IL1R1: variants seen among roughly 807,000 people sequenced by gnomAD.
IL1R1 encodes interleukin-1 receptor type 1.
Under a neutral mutation model 50.2 loss-of-function variants are expected in IL1R1, and 22 were observed. The observed-to-expected ratio is 0.44, with a 90% CI of 0.31 to 0.63. The LOEUF (loss-of-function observed/expected upper bound fraction) is 0.63, where lower values mean the gene tolerates loss of function less well. IL1R1 is among the 20% of genes least tolerant of loss of function. The pLI is 0.07. For missense variants in IL1R1, 509 were observed against 676.2 expected, an observed-to-expected ratio of 0.75 and a Z score of 2.74; for synonymous variants, 251 against 236.7, an observed-to-expected ratio of 1.06 and a Z score of -0.55.
chr2:102,074,672 A>G (rs1418496505), intron 1 of IL1R1, among the ~76,000 whole-genome samples: 1 of 152,156 alleles, frequency 6.6e-6, no homozygotes, highest in African/African-American at 2.4e-5. Context: ...GTTTAAATCC[A>G]CCACATTGTC....
chr2:102,168,417 T>C (rs1416095295), intron 6 of IL1R1, among the ~76,000 whole-genome samples, 181 bp from the exon 7 acceptor site: 1 of 152,228 alleles, frequency 6.6e-6, no homozygotes, highest in Non-Finnish European at 1.5e-5. Flanking sequence ...CACAGTGTGC[T>C]GTGGCCTCTG....
chr2:102,154,476 G>T (rs1310410428), intron 2 of IL1R1, among the ~76,000 whole-genome samples: 2 of 152,140 alleles, frequency 1.3e-5, no homozygotes, highest in African/African-American at 4.8e-5. Context: ...GCTGTCTGTG[G>T]GTACCTGAAC....
In IL1R1 at chr2:102,175,576, C is replaced by G. The variant is rs1403836230; in HGVS notation, c.1234C>G (p.Pro412Ala). 1 of 1,613,830 alleles carries G rather than the reference C, an allele frequency of 6.2e-7. No individual in the cohort carries two copies. Among genetic ancestry groups the G allele is most frequent in the Non-Finnish European group, 8.5e-7 (1 of 1,179,854 alleles). ...DCDIFVFKVL[P>A]EVLEKQCGYK... Reference sequence around the variant, plus strand: ...TGATATTTTTGTGTTTAAAGTCTTGCCTGAGGTCTTGGAAAAACAGTGTGG... The same window carrying G: ...TGATATTTTTGTGTTTAAAGTCTTGGCTGAGGTCTTGGAAAAACAGTGTGG... Residue 412 changes from proline to alanine, a missense_variant, in exon 11 of 12, where the codon CCT (proline) becomes GCT (alanine). Physicochemically the swap from Pro to Ala is conservative, Grantham distance 27 (BLOSUM62 -1). Transcript: ENST00000410023.
intron 1 of IL1R1, among the ~76,000 whole-genome samples, chr2:102,083,019 G>A (rs1679282453): frequency 6.6e-6 from 1 of 152,160 alleles, no homozygotes; most frequent in Admixed American, 6.5e-5. Flanking sequence ...TCCTGGTCAT[G>A]AGGACCAGAG....
chr2:102,128,662 A>G (rs941567787), intron 1 of IL1R1, among the ~76,000 whole-genome samples: 1 of 152,230 alleles, frequency 6.6e-6, no homozygotes, highest in African/African-American at 2.4e-5. Flanking sequence ...TGCCTATGCT[A>G]GTAACCATCA....
chr2:102,079,139 A>G (rs530864155), intron 1 of IL1R1, among the ~76,000 whole-genome samples: 1 of 152,274 alleles, frequency 6.6e-6, no homozygotes, highest in African/African-American at 2.4e-5. Flanking sequence ...ATGGGCATCC[A>G]AAAAACCCCA....
At chr2:102,149,674 T>C (rs928975126) in intron 1 of IL1R1, among the ~76,000 whole-genome samples, 1 of 152,048 alleles carries the variant, frequency 6.6e-6, no homozygotes, top group Non-Finnish European at 1.5e-5. Flanking sequence ...TCCCATGGAC[T>C]CAACTGCCTG....
At chr2:102,123,581 G>T (rs558047718) in intron 1 of IL1R1, among the ~76,000 whole-genome samples, 2 of 152,206 alleles carry the variant, frequency 1.3e-5, no homozygotes, top group South Asian at 2.1e-4. Context: ...TTCCAGACCA[G>T]CCTGGCCAAC....
intron 1 of IL1R1, among the ~76,000 whole-genome samples, chr2:102,147,582 G>T (rs1047707004): frequency 6.6e-6 from 1 of 152,258 alleles, no homozygotes. Context: ...CCTGTCTCTG[G>T]GTTCTGGTTC....
intron 1 of IL1R1, among the ~76,000 whole-genome samples, chr2:102,078,896 CA>C (rs1253970688): frequency 6.6e-6 from 1 of 152,094 alleles, no homozygotes; most frequent in African/African-American, 2.4e-5. Flanking sequence ...ATGCCATGAC[CA>C]AGTGGGATTT....
At chr2:102,117,105 A>G (rs1681120584) in intron 1 of IL1R1, among the ~76,000 whole-genome samples, 1 of 152,234 alleles carries the variant, frequency 6.6e-6, no homozygotes, top group Admixed American at 6.5e-5. Flanking sequence ...TCTCATGTTT[A>G]TCCTTTTTCT....
At chr2:102,124,930 AAT>A (rs1681615593) in intron 1 of IL1R1, among the ~76,000 whole-genome samples, 1 of 152,150 alleles carries the variant, frequency 6.6e-6, no homozygotes, top group South Asian at 2.1e-4. Context: ...AATAAAAAAA[AAT>A]AAGACCTCCT....
At chr2:102,077,291 G>A (rs1679010834) in intron 1 of IL1R1, among the ~76,000 whole-genome samples, 1 of 152,094 alleles carries the variant, frequency 6.6e-6, no homozygotes, top group African/African-American at 2.4e-5. Context: ...GGCTGGTCTT[G>A]AACTCCTGAC....
intron 1 of IL1R1, among the ~76,000 whole-genome samples, chr2:102,113,046 C>T (rs983513193): frequency 2.0e-5 from 3 of 152,252 alleles, no homozygotes; most frequent in Non-Finnish European, 2.9e-5. Context: ...CGTGATCTTA[C>T]ACTTCCAGCC....
Position 102,175,907 on chromosome 2 carries a change from T to C in IL1R1, c.1303+262T>C, listed in dbSNP as rs376147836. On this transcript the variant is annotated intron_variant, in intron 11 of 11. Coordinates refer to ENST00000410023, the MANE Select transcript of IL1R1 (RefSeq NM_000877.4). ...AACCCAACAGTTGCTTTACAACTGATACAATTAAACAGGAGTGGTAGAGAT... is the reference window on the plus strand; with the variant it reads ...AACCCAACAGTTGCTTTACAACTGACACAATTAAACAGGAGTGGTAGAGAT... The C allele has an allele frequency of 6.9e-6, 4 of 583,474 alleles. No individual in the cohort carries two copies. In the East Asian group the frequency reaches 8.4e-5, roughly 12 times the overall value. The allele number at this position is 583,474 out of a possible 1,614,324, so 36.1% of individuals were successfully genotyped here.
intron 9 of IL1R1, among the ~76,000 whole-genome samples, chr2:102,173,894 C>T (rs1036989822): frequency 2.6e-5 from 4 of 151,914 alleles, no homozygotes; most frequent in South Asian, 2.1e-4. Flanking sequence ...TACTTAAGAC[C>T]GTAAGTGTGA....
rs201675336 is a variant in IL1R1 at position 102,179,381 on chromosome 2, A to G, written c.*2622A>G. ...AGGAAGATCCAAACAGAAAAGTGCAAAGTTATTCCCCATCTTCCAAGGGTT... is the reference window on the plus strand; with the variant it reads ...AGGAAGATCCAAACAGAAAAGTGCAGAGTTATTCCCCATCTTCCAAGGGTT... On this transcript the variant is annotated 3_prime_UTR_variant, in exon 12 of 12. Coordinates refer to ENST00000410023, the MANE Select transcript of IL1R1 (RefSeq NM_000877.4). 2 of 152,416 alleles carry G rather than the reference A, an allele frequency of 1.3e-5. No individual in the cohort carries two copies. The highest frequency in any genetic ancestry group is 1.9e-4 in the East Asian group (1 of 5,312). The allele number at this position is 152,416 out of a possible 1,614,324, so 9.4% of individuals were successfully genotyped here.
At chr2:102,093,555 C>A (rs898557849) in intron 1 of IL1R1, among the ~76,000 whole-genome samples, 1 of 152,092 alleles carries the variant, frequency 6.6e-6, no homozygotes, top group African/African-American at 2.4e-5. Context: ...ATAGTGGTAC[C>A]GCATTCTGGA....
chr2:102,124,439 C>A (rs1038167423), intron 1 of IL1R1, among the ~76,000 whole-genome samples: 10 of 148,438 alleles, frequency 6.7e-5, no homozygotes, highest in South Asian at 2.2e-4. Flanking sequence ...ACTGCCCCCC[C>A]AAAAAAGAAA....
Sources: allele counts gnomAD v4.1 joint callset (sites outside exome capture counted in the v4.1 genomes callset), GRCh38; gene constraint gnomAD v4.1.1; transcripts MANE v1.5; gene names NCBI Gene and HGNC (gene_info 2026-07-23, HGNC 2026-07-21).